TBPL1: variants seen among roughly 807,000 people sequenced by gnomAD.
TBPL1 encodes the protein TATA-box binding protein like 1, also known as TATA box-binding protein-like 1.
In TBPL1, 4 loss-of-function variants were observed where a neutral mutation model predicts 22.1. The ratio of observed to expected loss-of-function variants is 0.18; its 90% CI spans 0.09 to 0.41. The LOEUF is 0.41. TBPL1 is among the 10% of genes least tolerant of loss of function. The pLI, the probability that TBPL1 is intolerant of heterozygous loss-of-function variation, is 1.00. For missense variants in TBPL1, 115 were observed against 222.3 expected, an observed-to-expected ratio of 0.52 and a Z score of 3.07; for synonymous variants, 64 against 71.0, an observed-to-expected ratio of 0.90 and a Z score of 0.50.
rs60714004 is a variant in TBPL1, at chr6:133,968,327, T to C, written c.-44-11755T>C. 5.1e-3 allele frequency among the ~76,000 whole-genome samples: 782 copies of C among 152,312 alleles called. 4 individuals are homozygous for C. The highest frequency in any genetic ancestry group is 0.018 in the African/African-American group (748 of 41,574). ...ATACTTAGACAGTTTATCTGAAATA[T>C]TAAGAAATCTATCCAAAATAAAACT... On this transcript the variant is annotated intron_variant, in intron 1 of 6. Coordinates refer to ENST00000237264, the MANE Select transcript of TBPL1 (RefSeq NM_004865.4).
intron 1 of TBPL1, among the ~76,000 whole-genome samples, chr6:133,963,243 A>G (rs1283423349): frequency 6.6e-6 from 1 of 152,176 alleles, no homozygotes; most frequent in African/African-American, 2.4e-5. Context: ...ATGGAGAGGG[A>G]AATTCCATTA....
chr6:133,963,500 C>T (rs1178519974), intron 1 of TBPL1, among the ~76,000 whole-genome samples: 1 of 152,166 alleles, frequency 6.6e-6, no homozygotes, highest in Non-Finnish European at 1.5e-5. Flanking sequence ...TCATAACTCA[C>T]TGCAGCCTTG....
intron 1 of TBPL1, among the ~76,000 whole-genome samples, chr6:133,971,682 AC>A (rs2114356498): frequency 6.6e-6 from 1 of 152,036 alleles, no homozygotes; most frequent in East Asian, 1.9e-4. Context: ...TCCTTATGAT[AC>A]GTGATGTTGA....
At position 133,984,571 on chromosome 6, in the gene TBPL1, G is replaced by A. The variant is rs1268641142; in HGVS notation, c.387-6G>A. 1.2e-6 allele frequency: 2 copies of A among 1,612,480 alleles called. No homozygotes were observed. Among genetic ancestry groups the A allele is most frequent in the Non-Finnish European group, 1.7e-6 (2 of 1,179,022 alleles). On this transcript the variant is annotated splice_region_variant and splice_polypyrimidine_tract_variant and intron_variant, in intron 5 of 6. Coordinates refer to ENST00000237264, the MANE Select transcript of TBPL1 (RefSeq NM_004865.4). ...ATTTATATTAATTGTGGCTTATTTT[G>A]TGTAGTTACGAACCTGAACTTCATC...
chr6:133,963,187 C>G lies in TBPL1; in HGVS notation c.-45+9762C>G, dbSNP rs1009207996. ...CAGAATGTAGAAGTCTTGATGTTCT[C>G]TGAAAAACAGTACTGATAGAAGAAT... On this transcript the variant is annotated intron_variant, in intron 1 of 6. Transcript: ENST00000237264. Among the ~76,000 whole-genome samples, 4 of 152,268 alleles carry G rather than the reference C, an allele frequency of 2.6e-5. No individual in the cohort carries two copies. In the East Asian group the frequency reaches 7.7e-4, roughly 29 times the overall value.
intron 1 of TBPL1, among the ~76,000 whole-genome samples, chr6:133,976,289 C>T (rs575534677): frequency 3.9e-5 from 6 of 151,946 alleles, no homozygotes; most frequent in East Asian, 1.9e-4. Flanking sequence ...TTGAAATGTT[C>T]GATTTCATAG....
chr6:133,987,143 C>A lies in TBPL1; in HGVS notation c.*103C>A, dbSNP rs1472644775. On this transcript the variant is annotated 3_prime_UTR_variant, in exon 7 of 7. Coordinates refer to ENST00000237264, the MANE Select transcript of TBPL1 (RefSeq NM_004865.4). ...GACCAACAATAATTGAGGAAATAGA[C>A]TCTTTTATTCATTCACGGCTACAGT... 3.0e-6 allele frequency: 2 copies of A among 666,960 alleles called. No individual in the cohort carries two copies. The highest frequency in any genetic ancestry group is 4.9e-6 in the Non-Finnish European group (2 of 408,822). 41.3% of individuals were successfully genotyped at this position (666,960 alleles called of 1,614,324 possible). A position where few individuals can be genotyped will look rare whatever the true frequency, so the allele number is the denominator to read the frequency against.
At chr6:133,981,775 T>C (rs1287595777) in intron 2 of TBPL1, among the ~76,000 whole-genome samples, 1 of 152,250 alleles carries the variant, frequency 6.6e-6, no homozygotes, top group African/African-American at 2.4e-5. Flanking sequence ...TTTATGTCTT[T>C]CTTACATAGA....
chr6:133,981,096 C>A (rs1776405576), intron 2 of TBPL1, among the ~76,000 whole-genome samples: 1 of 151,702 alleles, frequency 6.6e-6, no homozygotes. Context: ...TCTCAGCCTC[C>A]CAAGTAGCTA....
intron 1 of TBPL1, among the ~76,000 whole-genome samples, chr6:133,977,373 A>G (rs953524860): frequency 2.9e-4 from 44 of 152,252 alleles, no homozygotes; most frequent in African/African-American, 9.9e-4. Context: ...AAAATCACCA[A>G]TTTTGAATTT....
chr6:133,961,151 A>G (rs1383856268), intron 1 of TBPL1, among the ~76,000 whole-genome samples: 1 of 152,156 alleles, frequency 6.6e-6, no homozygotes, highest in Non-Finnish European at 1.5e-5. Flanking sequence ...ATCGTGAAAG[A>G]TATCTACTGT....
At chr6:133,956,493 A>G (rs950253176) in intron 1 of TBPL1, among the ~76,000 whole-genome samples, 3 of 152,202 alleles carry the variant, frequency 2.0e-5, no homozygotes, top group East Asian at 1.9e-4. Context: ...TGGTACTGTC[A>G]CTATTGGTGA....
rs1486152408 is a variant in TBPL1, at chr6:133,987,642, G to GTATA, written c.*603_*604insATAT. The GTATA allele has an allele frequency of 2.3e-5, 3 of 130,442 alleles. No individual in the cohort carries two copies. The highest frequency in any genetic ancestry group is 9.3e-5 in the African/African-American group (3 of 32,276). 8.1% of individuals were successfully genotyped at this position (130,442 alleles called of 1,614,324 possible). A position where few individuals can be genotyped will look rare whatever the true frequency, so the allele number is the denominator to read the frequency against. On this transcript the variant is annotated 3_prime_UTR_variant, in exon 7 of 7. Transcript: ENST00000237264. ...GTGTATTTTGTGTGTGTGTGTGTGT[G>GTATA]TGTGTGTATATATATATATATATAT...
rs769225692 is a variant in TBPL1, at chr6:133,984,466, A to C, written c.373A>C (p.Arg125=). Residue 125 remains arginine, a synonymous_variant, in exon 5 of 7, where the codon AGA becomes CGA. Transcript: ENST00000237264. The stretch of plus-strand genomic sequence containing the variant: ...TTTGCCAGAATTCACAAAGAACAAT[A>C]GACCTCATGCCAGGTAAGTCTTTGA... ...IRLPEFTKNN[R]PHASYEPELH... 7 of 1,613,706 alleles carry C rather than the reference A, an allele frequency of 4.3e-6. No homozygotes were observed. Among genetic ancestry groups the C allele is most frequent in the Non-Finnish European group, 5.9e-6 (7 of 1,179,870 alleles).
Position 133,984,442 on chromosome 6 carries a change from T to C in TBPL1, c.349T>C (p.Leu117=). ...GTGTAACATGCCATTTGAAATCCGT[T>C]TGCCAGAATTCACAAAGAACAATAG... ...AVCNMPFEIR[L]PEFTKNNRPH... is the part of the protein sequence containing the mutation. The change falls in exon 5 of 7, where the codon TTG becomes CTG. Residue 117 remains leucine, a synonymous_variant. Coordinates refer to ENST00000237264, the MANE Select transcript of TBPL1 (RefSeq NM_004865.4). The C allele has an allele frequency of 6.2e-7, 1 of 1,613,794 alleles. No individual in the cohort carries two copies. The highest frequency in any genetic ancestry group is 8.5e-7 in the Non-Finnish European group (1 of 1,179,868).
intron 1 of TBPL1, among the ~76,000 whole-genome samples, chr6:133,967,454 A>G (rs772187303): frequency 9.9e-5 from 15 of 152,242 alleles, no homozygotes; most frequent in Non-Finnish European, 2.1e-4. Context: ...ACAAATGGTT[A>G]GTAATATAGT....
chr6:133,960,169 G>A (rs1006070565), intron 1 of TBPL1, among the ~76,000 whole-genome samples: 4 of 152,114 alleles, frequency 2.6e-5, no homozygotes, highest in African/African-American at 4.8e-5. Context: ...ATCTTTGCTC[G>A]TTACAGATTA....
chr6:133,968,643 A>C (rs1271990801), intron 1 of TBPL1, among the ~76,000 whole-genome samples: 2 of 151,986 alleles, frequency 1.3e-5, no homozygotes, highest in Admixed American at 1.3e-4. Flanking sequence ...ATTACAATTG[A>C]TGTCTACTGT....
intron 1 of TBPL1, among the ~76,000 whole-genome samples, chr6:133,968,531 A>C (rs1776162175): frequency 6.6e-6 from 1 of 152,278 alleles, no homozygotes; most frequent in African/African-American, 2.4e-5. Context: ...AAAATTTGTG[A>C]GTTTTTTTAT....
Sources: allele counts gnomAD v4.1 joint callset (sites outside exome capture counted in the v4.1 genomes callset), GRCh38; gene constraint gnomAD v4.1.1; transcripts MANE v1.5; gene names NCBI Gene and HGNC (gene_info 2026-07-23, HGNC 2026-07-21).